The following COMMD1 variants were observed in gnomAD, a reference collection of about 807,000 sequenced individuals.
COMMD1 encodes COMM domain-containing protein 1.
A neutral mutation model predicts 17.2 loss-of-function variants in COMMD1; 10 were observed. That is an observed-to-expected ratio of 0.58 (90% CI 0.36 to 0.99). The LOEUF is 0.99. Among genes scored for constraint, COMMD1 ranks in the 50% least tolerant of loss-of-function variants. The pLI is 0.01. For synonymous variants in COMMD1, 97 were observed against 91.6 expected (o/e 1.06, Z -0.34); for missense variants, 270 against 231.8 (o/e 1.17, Z -1.07).
intron 2 of COMMD1, among the ~76,000 whole-genome samples, chr2:62,036,210 A>G (rs976609359): frequency 2.0e-5 from 3 of 149,772 alleles, no homozygotes; most frequent in African/African-American, 7.7e-5. Context: ...TCTATTTGCT[A>G]TGATTGGTTG....
intron 2 of COMMD1, among the ~76,000 whole-genome samples, chr2:62,121,089 G>A (rs1036877529): frequency 3.9e-5 from 6 of 151,952 alleles, no homozygotes; most frequent in African/African-American, 7.2e-5. Context: ...CTCCCTAAAG[G>A]CCAGGCACAG....
intron 1 of COMMD1, among the ~76,000 whole-genome samples, chr2:61,940,540 C>A (rs13417810): frequency 1.3e-5 from 2 of 152,124 alleles, no homozygotes; most frequent in Admixed American, 1.3e-4. Context: ...CAGGCCTTTT[C>A]GTCAAATTTA....
At chr2:62,048,518 A>G (rs1670447275) in intron 2 of COMMD1, among the ~76,000 whole-genome samples, 1 of 152,010 alleles carries the variant, frequency 6.6e-6, no homozygotes, top group South Asian at 2.1e-4. Context: ...GAATTGCTAA[A>G]TGTTATGCTA....
intron 2 of COMMD1, among the ~76,000 whole-genome samples, chr2:62,127,210 C>T (rs1253497011): frequency 6.6e-6 from 1 of 152,128 alleles, no homozygotes; most frequent in African/African-American, 2.4e-5. Context: ...CAGACCACTG[C>T]TCAAGGAAAT....
intron 2 of COMMD1, among the ~76,000 whole-genome samples, chr2:62,107,565 C>T (rs746497453): frequency 1.2e-4 from 18 of 152,210 alleles, no homozygotes; most frequent in African/African-American, 4.1e-4. Flanking sequence ...GATGATGAAC[C>T]TGACAAAATG....
intron 1 of COMMD1, among the ~76,000 whole-genome samples, chr2:61,938,137 G>T (rs948512567): frequency 2.6e-5 from 4 of 152,078 alleles, no homozygotes. Context: ...AGCAATTATT[G>T]CATTGCCTGT....
intron 2 of COMMD1, among the ~76,000 whole-genome samples, chr2:62,009,472 G>A (rs1669219499): frequency 6.6e-6 from 1 of 152,004 alleles, no homozygotes; most frequent in Non-Finnish European, 1.5e-5. Flanking sequence ...AGGCATAGTG[G>A]CACATGCCTG....
intron 2 of COMMD1, among the ~76,000 whole-genome samples, chr2:62,042,189 A>G (rs1670232059): frequency 6.6e-6 from 1 of 152,144 alleles, no homozygotes. Flanking sequence ...TGCACTTACA[A>G]TCCCTTAGCT....
intron 1 of COMMD1, among the ~76,000 whole-genome samples, chr2:61,910,241 G>T (rs560051211): frequency 6.7e-6 from 1 of 150,092 alleles, no homozygotes; most frequent in South Asian, 2.1e-4. Flanking sequence ...AAAGGCAGTT[G>T]CTAAACACTG....
chr2:62,113,443 C>T (rs182304193), intron 2 of COMMD1, among the ~76,000 whole-genome samples: 128 of 152,262 alleles, frequency 8.4e-4, no homozygotes, highest in Non-Finnish European at 2.6e-4. Flanking sequence ...GAGTCTCGCT[C>T]TGTCACCCAG....
chr2:62,133,515 G>A (rs1292833276), intron 2 of COMMD1, among the ~76,000 whole-genome samples: 1 of 150,010 alleles, frequency 6.7e-6, no homozygotes, highest in Non-Finnish European at 1.5e-5. Context: ...CTGATGGTAA[G>A]TATTTTTAAT....
At chr2:62,075,494 C>T (rs1008978087) in intron 2 of COMMD1, among the ~76,000 whole-genome samples, 2 of 152,220 alleles carry the variant, frequency 1.3e-5, no homozygotes, top group Non-Finnish European at 2.9e-5. Context: ...GTATCACCCT[C>T]TGGCTAGAGC....
chr2:61,896,307 T>A (rs1180969354), intron 1 of COMMD1, among the ~76,000 whole-genome samples: 1 of 152,140 alleles, frequency 6.6e-6, no homozygotes, highest in African/African-American at 2.4e-5. Flanking sequence ...CAAATCTGGC[T>A]GGGTGAGGTG....
chr2:62,083,213 T>C (rs751904811), intron 2 of COMMD1, among the ~76,000 whole-genome samples: 2 of 151,898 alleles, frequency 1.3e-5, no homozygotes, highest in African/African-American at 2.4e-5. Flanking sequence ...CAGTGAGCCA[T>C]GATTGTGCCA....
At chr2:62,083,357 C>G (rs903978444) in intron 2 of COMMD1, among the ~76,000 whole-genome samples, 5 of 152,132 alleles carry the variant, frequency 3.3e-5, no homozygotes, top group African/African-American at 1.2e-4. Context: ...GCCATTGTAG[C>G]CTGAAAGCAG....
At chr2:62,115,552 T>TG (rs1672568038) in intron 2 of COMMD1, among the ~76,000 whole-genome samples, 1 of 152,198 alleles carries the variant, frequency 6.6e-6, no homozygotes, top group Admixed American at 6.5e-5. Flanking sequence ...GATTTGATTC[T>TG]GGGAAAAAGT....
At chr2:61,998,983 A>C (rs1189102741) in intron 1 of COMMD1, among the ~76,000 whole-genome samples, 3 of 152,222 alleles carry the variant, frequency 2.0e-5, no homozygotes, top group Admixed American at 1.3e-4. Context: ...CTGATCACAG[A>C]TCACCATAAC....
rs146907261 is a variant in COMMD1, at chr2:62,106,480, A to G, written c.463-29351A>G. On this transcript the variant is annotated intron_variant, in intron 2 of 2. Transcript: ENST00000311832. ...CTTTCCCTGTACCCTTGCTGTGTGA[A>G]TAGTAGAGCATGCCAGCTTTTCAAC... 1.1e-3 allele frequency among the ~76,000 whole-genome samples: 162 copies of G among 152,300 alleles called. 1 individual carries two copies. The highest frequency in any genetic ancestry group is 1.7e-3 in the Non-Finnish European group (119 of 68,016).
At chr2:61,920,634 T>C (rs1368403246) in intron 1 of COMMD1, among the ~76,000 whole-genome samples, 1 of 152,060 alleles carries the variant, frequency 6.6e-6, no homozygotes. Context: ...TATTCAAAAA[T>C]GACAACTGAG....
Sources: gnomAD v4.1 joint callset for allele counts (sites outside exome capture counted in the v4.1 genomes callset) on GRCh38, gnomAD v4.1.1 for gene constraint, MANE v1.5 for transcripts, NCBI Gene and HGNC (gene_info 2026-07-23, HGNC 2026-07-21) for gene names.